The following PTPRT variants were observed in gnomAD, a reference collection of about 807,000 sequenced individuals.
PTPRT encodes the protein receptor-type tyrosine-protein phosphatase T.
Under a neutral mutation model 176.8 loss-of-function variants are expected in PTPRT, and 56 were observed. The ratio of observed to expected loss-of-function variants is 0.32; its 90% CI spans 0.26 to 0.40. The LOEUF (loss-of-function observed/expected upper bound fraction) is 0.40. Among genes scored for constraint, PTPRT ranks in the 10% least tolerant of loss-of-function variants. The pLI is 1.00. For synonymous variants in PTPRT, 783 were observed against 739.0 expected, an observed-to-expected ratio of 1.06 and a Z score of -0.96; for missense variants, 1,540 against 1,908.2, an observed-to-expected ratio of 0.81 and a Z score of 3.60.
chr20:42,231,543 T>C (rs1367865712), intron 15 of PTPRT, among the ~76,000 whole-genome samples: 1 of 152,212 alleles, frequency 6.6e-6, no homozygotes, highest in South Asian at 2.1e-4. Context: ...GTGCGCCTTA[T>C]TCACTTTTGT....
At chr20:42,086,753 A>AAAATATATATATATAT (rs1983991312) in intron 27 of PTPRT, among the ~76,000 whole-genome samples, 1 of 95,540 alleles carries the variant, frequency 1.0e-5, no homozygotes, top group East Asian at 3.4e-4. Flanking sequence ...AAAAAAAAAA[A>AAAATATATATATATAT]ATATATATAT....
At chr20:42,832,337 C>T (rs1021393811) in intron 2 of PTPRT, among the ~76,000 whole-genome samples, 2 of 151,958 alleles carry the variant, frequency 1.3e-5, no homozygotes, top group African/African-American at 2.4e-5. Context: ...AAGAGGGGAA[C>T]AACAGGCCCT....
intron 6 of PTPRT, among the ~76,000 whole-genome samples, chr20:42,734,369 G>A (rs991842166): frequency 2.0e-5 from 3 of 152,144 alleles, no homozygotes; most frequent in African/African-American, 7.2e-5. Flanking sequence ...GAACCCAAGA[G>A]AGAGTCCCTC....
At chr20:43,164,501 T>C (rs1040163860) in intron 1 of PTPRT, among the ~76,000 whole-genome samples, 2 of 152,036 alleles carry the variant, frequency 1.3e-5, no homozygotes, top group African/African-American at 4.8e-5. Context: ...TTGAGCTGAG[T>C]TGGAAAGAAG....
At position 42,941,584 on chromosome 20, in the gene PTPRT, G is replaced by T. The variant is rs563207897; in HGVS notation, c.89-55652C>A. ...TTCCTCTGACTCCTGATCTAGCTCAGTTGCTATGGCTTCTTAACCTGACTC... is the reference window on the plus strand; with the variant it reads ...TTCCTCTGACTCCTGATCTAGCTCATTTGCTATGGCTTCTTAACCTGACTC... On this transcript the variant is annotated intron_variant, in intron 1 of 30. Coordinates refer to ENST00000373187, the MANE Select transcript of PTPRT (RefSeq NM_007050.6). Among the ~76,000 whole-genome samples the T allele has an allele frequency of 6.6e-5, 10 of 152,204 alleles. No homozygotes were observed. The South Asian group carries it at 2.1e-3, about 32-fold the overall frequency.
intron 7 of PTPRT, among the ~76,000 whole-genome samples, chr20:42,651,199 G>T (rs1056251852): frequency 6.6e-6 from 1 of 152,056 alleles, no homozygotes; most frequent in African/African-American, 2.4e-5. Context: ...TTTACAGATG[G>T]AAAGTCTAAA....
intron 1 of PTPRT, among the ~76,000 whole-genome samples, chr20:42,983,059 C>T (rs1049281426): frequency 2.0e-5 from 3 of 152,178 alleles, no homozygotes; most frequent in East Asian, 1.9e-4. Flanking sequence ...AGGCTGGCTC[C>T]GGTGGCTCCT....
chr20:42,932,781 T>G (rs1428778946), intron 1 of PTPRT, among the ~76,000 whole-genome samples: 2 of 152,204 alleles, frequency 1.3e-5, no homozygotes, highest in African/African-American at 4.8e-5. Flanking sequence ...CTAGGTTACT[T>G]CTGAAACAAC....
At chr20:43,132,054 A>G (rs140246464) in intron 1 of PTPRT, among the ~76,000 whole-genome samples, 243 of 152,282 alleles carry the variant, frequency 1.6e-3, no homozygotes, top group African/African-American at 5.7e-3. Flanking sequence ...CAAAATAATC[A>G]GCACAGTACT....
intron 1 of PTPRT, among the ~76,000 whole-genome samples, chr20:42,974,962 C>A (rs1361876681): frequency 6.6e-6 from 1 of 152,114 alleles, no homozygotes; most frequent in Non-Finnish European, 1.5e-5. Context: ...CTAAAGACAA[C>A]ATAACGTTTT....
intron 1 of PTPRT, among the ~76,000 whole-genome samples, chr20:42,962,625 C>T (rs1174768781): frequency 1.3e-5 from 2 of 152,150 alleles, no homozygotes; most frequent in African/African-American, 4.8e-5. Flanking sequence ...GCTGAAAACG[C>T]TAATGATTAA....
intron 7 of PTPRT, among the ~76,000 whole-genome samples, chr20:42,498,819 C>T (rs1386777515): frequency 1.3e-5 from 2 of 152,122 alleles, no homozygotes; most frequent in African/African-American, 2.4e-5. Context: ...TTTGACTCCA[C>T]CTATGACCTG....
chr20:43,122,392 T>C (rs1452954991), intron 1 of PTPRT, among the ~76,000 whole-genome samples: 1 of 152,196 alleles, frequency 6.6e-6, no homozygotes, highest in Non-Finnish European at 1.5e-5. Flanking sequence ...GAAACCCCTC[T>C]CAGTCCTAGA....
At chr20:42,545,191 C>A (rs2072653253) in intron 7 of PTPRT, among the ~76,000 whole-genome samples, 1 of 152,208 alleles carries the variant, frequency 6.6e-6, no homozygotes, top group Non-Finnish European at 1.5e-5. Flanking sequence ...CCTGTGCTGG[C>A]AAAGTAAACT....
chr20:42,833,385 A>G (rs569010413), intron 2 of PTPRT, among the ~76,000 whole-genome samples: 70 of 150,798 alleles, frequency 4.6e-4, no homozygotes, highest in African/African-American at 1.7e-3. Flanking sequence ...CAGCCTGGAT[A>G]ACATAGCGAG....
At chr20:42,149,500 C>T (rs894916900) in intron 17 of PTPRT, among the ~76,000 whole-genome samples, 2 of 151,510 alleles carry the variant, frequency 1.3e-5, no homozygotes, top group Non-Finnish European at 2.9e-5. Context: ...CTCAGCTCAC[C>T]GCAACGTCTG....
At chr20:42,961,501 C>T (rs1264103780) in intron 1 of PTPRT, among the ~76,000 whole-genome samples, 1 of 152,150 alleles carries the variant, frequency 6.6e-6, no homozygotes, top group African/African-American at 2.4e-5. Context: ...GAATGAGTGT[C>T]CTCGAACAGA....
chr20:42,901,970 C>T (rs1426714944), intron 1 of PTPRT, among the ~76,000 whole-genome samples: 1 of 152,140 alleles, frequency 6.6e-6, no homozygotes, highest in Non-Finnish European at 1.5e-5. Flanking sequence ...GTGATGGAGA[C>T]CACATGGTCT....
chr20:42,977,779 T>C (rs1292248382), intron 1 of PTPRT, among the ~76,000 whole-genome samples: 2 of 152,242 alleles, frequency 1.3e-5, no homozygotes, highest in African/African-American at 2.4e-5. Context: ...AGCTACTCTC[T>C]ATTGCTGAAC....
Sources: allele counts gnomAD v4.1 joint callset (sites outside exome capture counted in the v4.1 genomes callset), GRCh38; gene constraint gnomAD v4.1.1; transcripts MANE v1.5; gene names NCBI Gene and HGNC (gene_info 2026-07-23, HGNC 2026-07-21).